PARN: variants seen among roughly 807,000 people sequenced by gnomAD.
PARN encodes poly(A)-specific ribonuclease, also known as poly(A)-specific ribonuclease PARN.
A neutral mutation model predicts 102.8 loss-of-function variants in PARN; 71 were observed. That is an observed-to-expected ratio of 0.69 (90% confidence interval 0.57 to 0.84). The LOEUF (loss-of-function observed/expected upper bound fraction) is 0.84, where lower values mean the gene tolerates loss of function less well. PARN is among the 40% of genes least tolerant of loss of function. The probability of loss-of-function intolerance (pLI) is 0.00; values close to 1 mark genes in which losing one functional copy is unlikely to be tolerated. For missense variants in PARN, 782 were observed against 760.9 expected (o/e 1.03, Z -0.33); for synonymous variants, 261 against 252.9 (o/e 1.03, Z -0.30).
intron 23 of PARN, among the ~76,000 whole-genome samples, chr16:14,440,242 A>G (rs990101040): frequency 8.5e-5 from 13 of 152,200 alleles, no homozygotes; most frequent in Non-Finnish European, 1.9e-4. Context: ...AAATCACAGG[A>G]AAAGATGCTT....
intron 21 of PARN, among the ~76,000 whole-genome samples, chr16:14,547,006 T>C (rs1454473653): frequency 6.6e-6 from 1 of 151,598 alleles, no homozygotes; most frequent in Non-Finnish European, 1.5e-5. Context: ...GGCAGGAGAA[T>C]TGCTTGAACC....
intron 22 of PARN, among the ~76,000 whole-genome samples, chr16:14,453,123 A>G (rs1468629960): frequency 6.6e-6 from 1 of 152,244 alleles, no homozygotes; most frequent in Non-Finnish European, 1.5e-5. Flanking sequence ...TAATGTACAA[A>G]GTGAGCTAGT....
chr16:14,448,695 T>G (rs886268131), intron 22 of PARN, among the ~76,000 whole-genome samples: 1 of 152,228 alleles, frequency 6.6e-6, no homozygotes, highest in Admixed American at 6.5e-5. Context: ...ATCTGCCAAG[T>G]GCACTTGATA....
chr16:14,471,504 G>T (rs577463608), intron 22 of PARN, among the ~76,000 whole-genome samples: 1 of 152,116 alleles, frequency 6.6e-6, no homozygotes, highest in Non-Finnish European at 1.5e-5. Flanking sequence ...CAAGTTGTCT[G>T]AATCCCTTTA....
chr16:14,628,373 T>G (rs1972808086), intron 2 of PARN, 122 bp from the exon 3 acceptor site: 3 of 619,094 alleles, frequency 4.8e-6, no homozygotes, highest in Non-Finnish European at 2.8e-6. Flanking sequence ...AAGCACTCCC[T>G]AACTTACTTT....
At chr16:14,623,020 C>G (rs1396748934) in intron 5 of PARN, among the ~76,000 whole-genome samples, 1 of 151,300 alleles carries the variant, frequency 6.6e-6, no homozygotes, top group African/African-American at 2.4e-5. Context: ...AGGAGGATCA[C>G]TTGAGCTGGT....
intron 21 of PARN, among the ~76,000 whole-genome samples, chr16:14,511,447 TA>T (rs111701715): frequency 0.053 from 7,739 of 145,672 alleles, 227 homozygotes; most frequent in African/African-American, 0.083. Context: ...GATGGCTCAT[TA>T]AAAAAAAAAA....
intron 23 of PARN, among the ~76,000 whole-genome samples, chr16:14,438,955 A>C (rs568899439): frequency 1.5e-3 from 232 of 152,334 alleles, no homozygotes; most frequent in Non-Finnish European, 2.8e-3. Flanking sequence ...GCCAGTCTCA[A>C]AACTGGCAGA....
At chr16:14,571,434 G>A (rs1454988999) in intron 18 of PARN, among the ~76,000 whole-genome samples, 1 of 152,068 alleles carries the variant, frequency 6.6e-6, no homozygotes, top group Non-Finnish European at 1.5e-5. Flanking sequence ...ATTCAAAGGG[G>A]AGAAACAAAA....
chr16:14,440,052 C>T (rs142978780), intron 23 of PARN, among the ~76,000 whole-genome samples: 1 of 151,840 alleles, frequency 6.6e-6, no homozygotes, highest in Admixed American at 6.6e-5. Context: ...ACCACCACCA[C>T]CAACAACAAC....
chr16:14,474,130 C>T (rs1419781081), intron 22 of PARN, among the ~76,000 whole-genome samples: 2 of 152,050 alleles, frequency 1.3e-5, no homozygotes, highest in African/African-American at 4.8e-5. Flanking sequence ...GTATCTGGGA[C>T]TATAGGCATG....
chr16:14,555,292 TACTC>T (rs979993184), intron 19 of PARN, among the ~76,000 whole-genome samples: 1 of 152,072 alleles, frequency 6.6e-6, no homozygotes, highest in Admixed American at 6.5e-5. Context: ...AATATACACA[TACTC>T]AAGTAACTGG....
chr16:14,620,287 G>A (rs556043244), intron 5 of PARN, among the ~76,000 whole-genome samples: 133 of 152,166 alleles, frequency 8.7e-4, no homozygotes, highest in African/African-American at 3.1e-3. Flanking sequence ...TGAGGCAGGA[G>A]AATGGTGTGA....
chr16:14,482,890 A>C, intron 21 of PARN, 63 bp from the exon 22 acceptor site: 1 of 1,412,754 alleles, frequency 7.1e-7, no homozygotes, highest in Non-Finnish European at 9.5e-7. Flanking sequence ...CAAAGATGAC[A>C]CTTTTGAAAT....
intron 21 of PARN, among the ~76,000 whole-genome samples, chr16:14,538,219 C>CTTTTT (rs34012270): frequency 7.6e-6 from 1 of 131,844 alleles, no homozygotes; most frequent in African/African-American, 2.8e-5. Flanking sequence ...ATATTTTTCA[C>CTTTTT]TTTTTTTTTT....
At chr16:14,592,852 T>C (rs942207703) in intron 13 of PARN, among the ~76,000 whole-genome samples, 1 of 152,112 alleles carries the variant, frequency 6.6e-6, no homozygotes, top group Non-Finnish European at 1.5e-5. Flanking sequence ...ATAAAAAAGT[T>C]TGTGGCCAGG....
intron 21 of PARN, among the ~76,000 whole-genome samples, chr16:14,504,320 G>T (rs1964774031): frequency 6.6e-6 from 1 of 152,132 alleles, no homozygotes; most frequent in African/African-American, 2.4e-5. Context: ...AGCACTTTTG[G>T]CGACCGAGGT....
intron 23 of PARN, among the ~76,000 whole-genome samples, chr16:14,440,918 C>T (rs1240046377): frequency 1.3e-5 from 2 of 152,004 alleles, no homozygotes; most frequent in Non-Finnish European, 2.9e-5. Flanking sequence ...AGTTGTATAT[C>T]GTGATCATAG....
chr16:14,610,871 A>C, intron 6 of PARN, 62 bp from the exon 7 acceptor site: 1 of 1,161,844 alleles, frequency 8.6e-7, no homozygotes, highest in Non-Finnish European at 1.3e-6. Context: ...AAATTTGTTT[A>C]ACAAACCAAA....
Sources: gnomAD v4.1 joint callset for allele counts (sites outside exome capture counted in the v4.1 genomes callset) on GRCh38, gnomAD v4.1.1 for gene constraint, MANE v1.5 for transcripts, NCBI Gene and HGNC (gene_info 2026-07-23, HGNC 2026-07-21) for gene names.